The following ASCC3 variants were observed in gnomAD, a reference collection of about 807,000 sequenced individuals.
ASCC3 encodes the protein ASC-1 complex subunit P200.
In ASCC3, 158 loss-of-function variants were observed where a neutral mutation model predicts 256.3. The ratio of observed to expected loss-of-function variants is 0.62; its 90% CI spans 0.54 to 0.70. The LOEUF is 0.70. Ranked by LOEUF, ASCC3 falls within the 30% of genes least tolerant of loss-of-function variation. The pLI is 0.00. For missense variants in ASCC3, 2,259 were observed against 2,626.0 expected (o/e 0.86, Z 3.05); for synonymous variants, 948 against 883.4 (o/e 1.07, Z -1.30).
At position 100,585,695 on chromosome 6, in the gene ASCC3, C is replaced by T. The variant is rs1414121828; in HGVS notation, c.5550+3939G>A. On this transcript the variant is annotated intron_variant, in intron 36 of 41. Transcript: ENST00000369162. ...TTCCAGATTTTCTGTTCTGTTTTTT[C>T]CCCATCTTTGTGGTTTTATCTACTT... is the stretch of plus-strand genomic sequence containing the variant. Among the ~76,000 whole-genome samples the T allele has an allele frequency of 2.0e-5, 3 of 152,138 alleles. No homozygotes were observed. In the East Asian group the frequency reaches 5.8e-4, roughly 29 times the overall value.
intron 5 of ASCC3, among the ~76,000 whole-genome samples, chr6:100,800,787 C>A (rs1769877850): frequency 1.3e-5 from 2 of 151,488 alleles, no homozygotes; most frequent in African/African-American, 4.8e-5. Context: ...CATTAGGAAC[C>A]TAAAAATTCA....
At chr6:100,684,705 A>C (rs187769932) in intron 13 of ASCC3, among the ~76,000 whole-genome samples, 1 of 152,006 alleles carries the variant, frequency 6.6e-6, no homozygotes, top group Admixed American at 6.6e-5. Context: ...AATTTAAAAC[A>C]CTTCCCCTTT....
chr6:100,651,360 G>A (rs1353499881), intron 19 of ASCC3, among the ~76,000 whole-genome samples, 200 bp downstream of exon 19: 1 of 151,846 alleles, frequency 6.6e-6, no homozygotes, highest in African/African-American at 2.4e-5. Context: ...ATTTGATGTG[G>A]AGTACAGAGA....
chr6:100,512,806 G>GCAGT lies in ASCC3; in HGVS notation c.6184_6187dup (p.Ala2063AspfsTer7), dbSNP rs1384946340. 3 of 1,614,106 alleles carry GCAGT rather than the reference G, an allele frequency of 1.9e-6. No individual in the cohort carries two copies. Among genetic ancestry groups the GCAGT allele is most frequent in the Non-Finnish European group, 2.5e-6 (3 of 1,179,988 alleles). ...CCATTTGTTGTCATCTCGTTTGTCT[G>GCAGT]CAGTCAGAGTTGAGACAGAGAGTTC... On this transcript the variant is annotated frameshift_variant, in exon 40 of 42. Transcript: ENST00000369162. LOFTEE classifies it high-confidence loss of function.
chr6:100,589,556 A>G, intron 36 of ASCC3, 78 bp downstream of exon 36: 1 of 1,568,590 alleles, frequency 6.4e-7, no homozygotes, highest in Non-Finnish European at 8.7e-7. Context: ...GGTTTCTGTT[A>G]AATTTCAAGA....
chr6:100,641,964 G>A (rs1249321575), intron 24 of ASCC3, among the ~76,000 whole-genome samples: 1 of 149,266 alleles, frequency 6.7e-6, no homozygotes, highest in Non-Finnish European at 1.5e-5. Flanking sequence ...ATTCAACAAT[G>A]AGAACACATG....
At chr6:100,847,646 C>T (rs1315938333) in intron 4 of ASCC3, among the ~76,000 whole-genome samples, 1 of 152,090 alleles carries the variant, frequency 6.6e-6, no homozygotes, top group East Asian at 1.9e-4. Context: ...ATATCACATT[C>T]AATCCTTATA....
At chr6:100,877,884 TTC>T (rs1267482567) in intron 1 of ASCC3, among the ~76,000 whole-genome samples, 1 of 152,210 alleles carries the variant, frequency 6.6e-6, no homozygotes, top group East Asian at 1.9e-4. Context: ...TTAACACTTT[TTC>T]TCTTTTTTTA....
At chr6:100,530,877 T>G (rs1453979906) in intron 37 of ASCC3, 2 of 1,282,854 alleles carry the variant, frequency 1.6e-6, no homozygotes, top group African/African-American at 1.5e-5. Flanking sequence ...TAAATTTTTG[T>G]GGAACATCAC....
At chr6:100,721,830 A>G (rs934061305) in intron 11 of ASCC3, among the ~76,000 whole-genome samples, 1 of 150,468 alleles carries the variant, frequency 6.6e-6, no homozygotes, top group African/African-American at 2.4e-5. Context: ...CCCACTTTTT[A>G]GTTTAATTAG....
chr6:100,805,924 GT>G, intron 4 of ASCC3, 44 bp from the exon 5 acceptor site: 2 of 1,590,826 alleles, frequency 1.3e-6, no homozygotes, highest in South Asian at 2.2e-5. Flanking sequence ...TTATCTCAAA[GT>G]TTAACTTTTT....
intron 25 of ASCC3, among the ~76,000 whole-genome samples, chr6:100,633,246 T>A (rs543797434): frequency 1.4e-3 from 218 of 152,264 alleles, no homozygotes; most frequent in African/African-American, 4.9e-3. Context: ...GCCTGGAACA[T>A]GAATCATCCC....
intron 3 of ASCC3, among the ~76,000 whole-genome samples, chr6:100,848,921 T>C (rs1298016000): frequency 6.6e-6 from 1 of 151,920 alleles, no homozygotes; most frequent in Non-Finnish European, 1.5e-5. Flanking sequence ...GCCTGGGCAA[T>C]ATGGTGAGAA....
rs189302620 is a variant in ASCC3 at position 100,761,789 on chromosome 6, G to A, written c.1737+4776C>T. Among the ~76,000 whole-genome samples, 746 of 152,212 alleles carry A rather than the reference G, an allele frequency of 4.9e-3. 9 individuals are homozygous for A. Among genetic ancestry groups the A allele is most frequent in the African/African-American group, 0.017 (720 of 41,532 alleles). The stretch of plus-strand genomic sequence containing the variant: ...AGTAAAGTAGCTTGAAATTTAAAGC[G>A]AAAAGCCCAATGCCAGGCAGAGAAC... On this transcript the variant is annotated intron_variant, in intron 10 of 41. Coordinates refer to ENST00000369162, the MANE Select transcript of ASCC3 (RefSeq NM_006828.4).
intron 2 of ASCC3, 124 bp downstream of exon 2, chr6:100,867,784 C>T (rs1460056265): frequency 2.4e-6 from 2 of 819,526 alleles, no homozygotes; most frequent in Non-Finnish European, 4.0e-6. Flanking sequence ...TCCATCTTTG[C>T]CTCACACCAA....
intron 8 of ASCC3, among the ~76,000 whole-genome samples, chr6:100,771,718 A>G (rs1781930771): frequency 6.6e-6 from 1 of 152,134 alleles, no homozygotes; most frequent in African/African-American, 2.4e-5. Context: ...TGCACCTGTT[A>G]AAATGGCTAA....
intron 36 of ASCC3, among the ~76,000 whole-genome samples, chr6:100,556,058 C>G (rs1186369382): frequency 6.6e-6 from 1 of 152,078 alleles, no homozygotes; most frequent in African/African-American, 2.4e-5. Flanking sequence ...CCTTTAAAAC[C>G]ATATATATTT....
intron 13 of ASCC3, among the ~76,000 whole-genome samples, chr6:100,686,197 T>C (rs1468688719): frequency 6.6e-6 from 1 of 152,194 alleles, no homozygotes; most frequent in Admixed American, 6.5e-5. Context: ...AAACAAAGCA[T>C]TTACAATAGT....
chr6:100,837,523 T>C (rs758277361), intron 4 of ASCC3, among the ~76,000 whole-genome samples: 1 of 152,074 alleles, frequency 6.6e-6, no homozygotes, highest in Non-Finnish European at 1.5e-5. Flanking sequence ...ATATATAGTA[T>C]ATACACAATG....
Sources: gnomAD v4.1 joint callset for allele counts (sites outside exome capture counted in the v4.1 genomes callset) on GRCh38, gnomAD v4.1.1 for gene constraint, MANE v1.5 for transcripts, NCBI Gene and HGNC (gene_info 2026-07-23, HGNC 2026-07-21) for gene names.